PMS1: variants seen among roughly 807,000 people sequenced by gnomAD.
PMS1 encodes the protein PMS1 homolog 1, mismatch repair system component.
In PMS1, 79 loss-of-function variants were observed where a neutral mutation model predicts 93.1. The ratio of observed to expected loss-of-function variants is 0.85; its 90% CI spans 0.71 to 1.02. PMS1 has a LOEUF of 1.02. Among genes scored for constraint, PMS1 ranks in the 50% least tolerant of loss-of-function variants. PMS1 has a pLI of 0.00. For missense variants in PMS1, 1,064 were observed against 1,085.3 expected (o/e 0.98, Z 0.28); for synonymous variants, 335 against 363.4 (o/e 0.92, Z 0.89).
At chr2:189,863,686 A>C (rs1027236682) in intron 9 of PMS1, 57 bp from the exon 10 acceptor site, 2 of 1,317,310 alleles carry the variant, frequency 1.5e-6, no homozygotes, top group Non-Finnish European at 2.2e-6. Flanking sequence ...TTTACTTCAG[A>C]TGGTTAATAT....
chr2:189,841,127 G>T (rs5743100), intron 5 of PMS1, among the ~76,000 whole-genome samples: 13,820 of 152,116 alleles, frequency 0.091, 830 homozygotes, highest in African/African-American at 0.16. Context: ...AAAAGATTGA[G>T]TATAGATCTT....
At chr2:189,801,863 T>C (rs2049918387) in intron 3 of PMS1, among the ~76,000 whole-genome samples, 1 of 152,220 alleles carries the variant, frequency 6.6e-6, no homozygotes, top group African/African-American at 2.4e-5. Flanking sequence ...GTAGTATGCA[T>C]CTGGATAAGA....
At chr2:189,864,724 A>G (rs1481577260) in intron 10 of PMS1, among the ~76,000 whole-genome samples, 1 of 96,018 alleles carries the variant, frequency 1.0e-5, no homozygotes, top group African/African-American at 4.1e-5. Flanking sequence ...ATATATATAT[A>G]TATATATATA....
rs751444288 is a variant in PMS1, at chr2:189,849,867, C to CTTTTT, written c.700-2773_700-2769dup. Among the ~76,000 whole-genome samples the CTTTTT allele has an allele frequency of 1.4e-4, 17 of 118,862 alleles. No individual in the cohort carries two copies. The East Asian group carries it at 2.9e-3, about 20-fold the overall frequency. The allele number at this position is 118,862 out of a possible 152,430, so 78.0% of individuals were successfully genotyped here. A position where few individuals can be genotyped will look rare whatever the true frequency, so the allele number is the denominator to read the frequency against. ...AGACAGTGGCCACGGTATTTTTAAA[C>CTTTTT]TTTTTTTTTTTTTTTTTTTGGAGAA... On this transcript the variant is annotated intron_variant, in intron 6 of 12. Transcript: ENST00000441310.
chr2:189,798,625 G>A (rs566395182), intron 3 of PMS1, among the ~76,000 whole-genome samples: 7 of 152,154 alleles, frequency 4.6e-5, no homozygotes, highest in Non-Finnish European at 1.5e-5. Flanking sequence ...CCTGGATCTT[G>A]TACAAAGAGT....
At chr2:189,816,265 GGGTGCTATACTTCT>G (rs1296346053) in intron 4 of PMS1, among the ~76,000 whole-genome samples, 1 of 152,072 alleles carries the variant, frequency 6.6e-6, no homozygotes, top group African/African-American at 2.4e-5. Context: ...AAATACATTT[GGGTGCTATACTTCT>G]GGATCTTTGC....
At chr2:189,802,084 T>C (rs2049941712) in intron 3 of PMS1, among the ~76,000 whole-genome samples, 2 of 152,212 alleles carry the variant, frequency 1.3e-5, no homozygotes, top group South Asian at 4.1e-4. Context: ...ATCCTCTGCA[T>C]AACATTTACA....
intron 11 of PMS1, among the ~76,000 whole-genome samples, chr2:189,869,387 C>T (rs537211681): frequency 1.3e-5 from 2 of 152,092 alleles, no homozygotes; most frequent in African/African-American, 2.4e-5. Flanking sequence ...GCTCAGGGTC[C>T]CTGGCATCTT....
chr2:189,827,027 T>C (rs910475251), intron 5 of PMS1, among the ~76,000 whole-genome samples: 5 of 152,208 alleles, frequency 3.3e-5, no homozygotes, highest in Admixed American at 3.3e-4. Flanking sequence ...TCTAGTCCAT[T>C]GCCCTTCCTG....
At position 189,849,000 on chromosome 2, in the gene PMS1, C is replaced by G. The variant is rs115717250; in HGVS notation, c.700-3655C>G. ...CCTTTAAGTTGTGCAACTTGGCCAC[C>G]AAGGCCTCTTGACTAGTCTGGGATG... is the stretch of plus-strand genomic sequence containing the variant. On this transcript the variant is annotated intron_variant, in intron 6 of 12. Coordinates refer to ENST00000441310, the MANE Select transcript of PMS1 (RefSeq NM_000534.5). 3.3e-3 allele frequency among the ~76,000 whole-genome samples: 498 copies of G among 152,328 alleles called. 5 individuals are homozygous for G. The highest frequency in any genetic ancestry group is 0.011 in the African/African-American group (477 of 41,572).
At chr2:189,807,097 T>C (rs971362535) in intron 4 of PMS1, 1 of 174,842 alleles carries the variant, frequency 5.7e-6, no homozygotes. Flanking sequence ...AAATTTCTTA[T>C]ATTTTAATAC....
intron 5 of PMS1, among the ~76,000 whole-genome samples, chr2:189,833,843 T>G (rs1175994834): frequency 6.6e-6 from 1 of 152,184 alleles, no homozygotes; most frequent in Admixed American, 6.6e-5. Context: ...GCTTTAGATC[T>G]TCAAGATTTT....
intron 9 of PMS1, among the ~76,000 whole-genome samples, chr2:189,856,772 C>G (rs1222466361): frequency 6.6e-6 from 1 of 152,078 alleles, no homozygotes; most frequent in Non-Finnish European, 1.5e-5. Context: ...GCTGACTGTT[C>G]CTTTGCAGCC....
intron 3 of PMS1, among the ~76,000 whole-genome samples, chr2:189,803,963 C>T (rs1308891745): frequency 2.0e-5 from 3 of 152,096 alleles, no homozygotes; most frequent in African/African-American, 4.8e-5. Context: ...TCAGTTTCTT[C>T]GTCTAGACTG....
chr2:189,854,487 T>TC lies in PMS1; in HGVS notation c.1215_1216insC (p.Cys406LeufsTer10). ...ATGAATCTGGAAAAAACACTGATGA[T>TC]TGTTTAAATCACCAGATAAGTATTG... On this transcript the variant is annotated frameshift_variant, in exon 9 of 13. Transcript: ENST00000441310. LOFTEE classifies it high-confidence loss of function. 6.2e-7 allele frequency: 1 copy of TC among 1,613,582 alleles called. No individual in the cohort carries two copies. The highest frequency in any genetic ancestry group is 8.5e-7 in the Non-Finnish European group (1 of 1,179,680).
chr2:189,795,851 A>G lies in PMS1; in HGVS notation c.215A>G (p.Lys72Arg). The G allele has an allele frequency of 6.2e-7, 1 of 1,612,674 alleles. No homozygotes were observed. Among genetic ancestry groups the G allele is most frequent in the Non-Finnish European group, 8.5e-7 (1 of 1,178,650 alleles). ...KAVDAPVMAM[K>R]YYTSKINSHE... Reference sequence around the variant, plus strand: ...GTTGATGCACCTGTAATGGCAATGAAGTACTACACCTCAAAAATAAATAGT... The same window carrying G: ...GTTGATGCACCTGTAATGGCAATGAGGTACTACACCTCAAAAATAAATAGT... Residue 72 changes from lysine (K) to arginine (R), a missense_variant, in exon 3 of 13, where the codon AAG becomes AGG. Lys to Arg is a conservative substitution (Grantham distance 26, BLOSUM62 2). Coordinates refer to ENST00000441310, the MANE Select transcript of PMS1 (RefSeq NM_000534.5).
intron 5 of PMS1, among the ~76,000 whole-genome samples, chr2:189,823,125 G>A (rs2052093350): frequency 6.6e-6 from 1 of 151,468 alleles, no homozygotes; most frequent in East Asian, 1.9e-4. Flanking sequence ...TCTAAAACTA[G>A]GCAGTCACCT....
At chr2:189,802,703 C>G (rs2049997826) in intron 3 of PMS1, among the ~76,000 whole-genome samples, 1 of 152,010 alleles carries the variant, frequency 6.6e-6, no homozygotes, top group African/African-American at 2.4e-5. Flanking sequence ...ATTTGTGGGC[C>G]CACATACTAT....
chr2:189,801,876 A>G (rs1366427386), intron 3 of PMS1, among the ~76,000 whole-genome samples: 1 of 152,346 alleles, frequency 6.6e-6, no homozygotes, highest in East Asian at 1.9e-4. Flanking sequence ...GGATAAGATC[A>G]TTAGACTTGC....
Sources: gnomAD v4.1 joint callset for allele counts (sites outside exome capture counted in the v4.1 genomes callset) on GRCh38, gnomAD v4.1.1 for gene constraint, MANE v1.5 for transcripts, NCBI Gene and HGNC (gene_info 2026-07-23, HGNC 2026-07-21) for gene names.